Variants in KCNQ5 observed in about 807,000 individuals in gnomAD.
KCNQ5 encodes potassium voltage-gated channel subfamily Q member 5.
KCNQ5 carries 30 observed loss-of-function variants against 98.2 expected under a neutral mutation model. That is an observed-to-expected ratio of 0.31 (90% CI 0.23 to 0.41). The LOEUF (loss-of-function observed/expected upper bound fraction) is 0.41, where lower values mean the gene tolerates loss of function less well. KCNQ5 is among the 10% of genes least tolerant of loss of function. The probability of loss-of-function intolerance (pLI) is 1.00; values close to 1 mark genes in which losing one functional copy is unlikely to be tolerated. For missense variants in KCNQ5, 835 were observed against 1,182.5 expected (o/e 0.71, Z 4.31); for synonymous variants, 458 against 449.4 (o/e 1.02, Z -0.24).
intron 1 of KCNQ5, among the ~76,000 whole-genome samples, chr6:72,637,414 C>T (rs2098924822): frequency 6.6e-6 from 1 of 151,802 alleles, no homozygotes; most frequent in Admixed American, 6.6e-5. Flanking sequence ...AGTGAGTGCC[C>T]ACTGCATATT....
In KCNQ5 at chr6:72,756,569, A is replaced by C. The variant is rs79729900; in HGVS notation, c.398+133982A>C. 6.6e-5 allele frequency among the ~76,000 whole-genome samples: 10 copies of C among 152,304 alleles called. 1 individual carries two copies. In the East Asian group the frequency reaches 1.9e-3, roughly 29 times the overall value. Reference sequence around the variant, plus strand: ...TTTTTGTTTTTAGACATTATTTGTCATAACCCCAAAGGGTCTATTTCTACA... The same window carrying C: ...TTTTTGTTTTTAGACATTATTTGTCCTAACCCCAAAGGGTCTATTTCTACA... On this transcript the variant is annotated intron_variant, in intron 1 of 13. Coordinates refer to ENST00000370398, the MANE Select transcript of KCNQ5 (RefSeq NM_019842.4).
intron 1 of KCNQ5, among the ~76,000 whole-genome samples, chr6:72,963,176 T>A (rs1344867358): frequency 6.6e-6 from 1 of 151,020 alleles, no homozygotes; most frequent in Non-Finnish European, 1.5e-5. Flanking sequence ...AAGGCAGTGA[T>A]AAGAGTTTAA....
chr6:72,865,866 C>T (rs1029506517), intron 1 of KCNQ5, among the ~76,000 whole-genome samples: 15 of 152,146 alleles, frequency 9.9e-5, no homozygotes, highest in Admixed American at 2.0e-4. Flanking sequence ...TGTGGAGCAG[C>T]GCTTTTCTGC....
intron 6 of KCNQ5, among the ~76,000 whole-genome samples, chr6:73,107,106 G>GT (rs1395170989): frequency 1.3e-5 from 2 of 152,132 alleles, no homozygotes; most frequent in Non-Finnish European, 2.9e-5. Flanking sequence ...GCAGTCTTGG[G>GT]TTTTTTCCCA....
chr6:73,035,503 CT>C (rs1771373407), intron 2 of KCNQ5, among the ~76,000 whole-genome samples: 1 of 152,208 alleles, frequency 6.6e-6, no homozygotes, highest in African/African-American at 2.4e-5. Context: ...AAATGAACTG[CT>C]TTATCCTGAG....
intron 2 of KCNQ5, among the ~76,000 whole-genome samples, chr6:73,012,768 C>T (rs1770138284): frequency 1.3e-5 from 2 of 151,934 alleles, no homozygotes; most frequent in Admixed American, 6.6e-5. Context: ...CCATGGCACA[C>T]ATTTACCTAT....
intron 1 of KCNQ5, among the ~76,000 whole-genome samples, chr6:72,970,043 G>A (rs1180254043): frequency 1.3e-5 from 2 of 152,130 alleles, no homozygotes; most frequent in Non-Finnish European, 2.9e-5. Flanking sequence ...AGGATTCCTT[G>A]AGGCCAGGAG....
At chr6:72,945,918 C>T (rs972277011) in intron 1 of KCNQ5, among the ~76,000 whole-genome samples, 1 of 152,134 alleles carries the variant, frequency 6.6e-6, no homozygotes, top group Non-Finnish European at 1.5e-5. Flanking sequence ...TCATTTAATT[C>T]TCATAACAAC....
intron 1 of KCNQ5, among the ~76,000 whole-genome samples, chr6:72,862,223 G>C (rs1777794149): frequency 6.6e-6 from 1 of 152,194 alleles, no homozygotes; most frequent in Non-Finnish European, 1.5e-5. Context: ...GGAGGGTCCT[G>C]TCATGGGCCC....
chr6:73,158,076 A>T (rs1777440295), intron 10 of KCNQ5: 1 of 540,122 alleles, frequency 1.9e-6, no homozygotes, highest in Non-Finnish European at 3.4e-6. Flanking sequence ...ACGCCGCCGG[A>T]ACCCGCGCTG....
rs532792451 is a variant in KCNQ5 at position 73,000,087 on chromosome 6, C to G, written c.399-3821C>G. Among the ~76,000 whole-genome samples, 17 of 152,186 alleles carry G rather than the reference C, an allele frequency of 1.1e-4. 1 individual carries two copies. In the East Asian group the frequency reaches 3.3e-3, roughly 29 times the overall value. On this transcript the variant is annotated intron_variant, in intron 1 of 13. Transcript: ENST00000370398. The stretch of plus-strand genomic sequence containing the variant: ...TCTTGCCACCGCTTCTACTTGTATT[C>G]AACCACTAGAGAGGTGCGTTGGGGT...
chr6:72,676,897 G>C (rs1767439683), intron 1 of KCNQ5, among the ~76,000 whole-genome samples: 1 of 151,804 alleles, frequency 6.6e-6, no homozygotes, highest in Non-Finnish European at 1.5e-5. Context: ...TGGATAACAG[G>C]AGTCTTTAAT....
chr6:73,024,038 C>T (rs964236975), intron 2 of KCNQ5, among the ~76,000 whole-genome samples: 1 of 152,086 alleles, frequency 6.6e-6, no homozygotes, highest in Non-Finnish European at 1.5e-5. Flanking sequence ...AGCATCACTC[C>T]CAAATGTCAA....
intron 6 of KCNQ5, among the ~76,000 whole-genome samples, chr6:73,106,496 T>C (rs529719053): frequency 2.6e-5 from 4 of 152,174 alleles, no homozygotes; most frequent in African/African-American, 9.7e-5. Context: ...AATCAAAGCA[T>C]TGAGAAACCA....
At chr6:72,866,253 T>C (rs1254255165) in intron 1 of KCNQ5, among the ~76,000 whole-genome samples, 1 of 45,372 alleles carries the variant, frequency 2.2e-5, no homozygotes, top group Non-Finnish European at 4.1e-5. Flanking sequence ...GCCATCTCCC[T>C]TTTTTTTTTT....
intron 1 of KCNQ5, among the ~76,000 whole-genome samples, chr6:72,794,746 G>A (rs917716261): frequency 6.6e-6 from 1 of 152,116 alleles, no homozygotes; most frequent in South Asian, 2.1e-4. Flanking sequence ...GCTGTAAGAA[G>A]AAATAAAACA....
chr6:72,671,838 A>G (rs760126222), intron 1 of KCNQ5, among the ~76,000 whole-genome samples: 7 of 151,718 alleles, frequency 4.6e-5, no homozygotes, highest in Non-Finnish European at 1.0e-4. Context: ...CTTTTTTGAG[A>G]TGGAGTCTCG....
chr6:72,753,774 G>A (rs1371432516), intron 1 of KCNQ5, among the ~76,000 whole-genome samples: 1 of 152,012 alleles, frequency 6.6e-6, no homozygotes, highest in East Asian at 1.9e-4. Flanking sequence ...AAGAAAAATG[G>A]GTTGTTTGCT....
intron 1 of KCNQ5, among the ~76,000 whole-genome samples, chr6:72,867,967 C>CTAA (rs1452723485): frequency 0.013 from 1,986 of 149,966 alleles, 38 homozygotes; most frequent in Middle Eastern, 0.043. Flanking sequence ...ACTACTACTA[C>CTAA]TACTAATAAT....
Sources: gnomAD v4.1 joint callset for allele counts (sites outside exome capture counted in the v4.1 genomes callset) on GRCh38, gnomAD v4.1.1 for gene constraint, MANE v1.5 for transcripts, NCBI Gene and HGNC (gene_info 2026-07-23, HGNC 2026-07-21) for gene names.